Variants in SDK1 observed in about 807,000 individuals in gnomAD.
SDK1 encodes the protein protein sidekick-1.
A neutral mutation model predicts 245.5 loss-of-function variants in SDK1; 157 were observed. The observed-to-expected ratio is 0.64, with a 90% CI of 0.56 to 0.73. SDK1 has a LOEUF of 0.73. Among genes scored for constraint, SDK1 ranks in the 30% least tolerant of loss-of-function variants. SDK1 has a pLI of 0.00. For synonymous variants in SDK1, 1,647 were observed against 1,278.5 expected (o/e 1.29, Z -6.15); for missense variants, 3,583 against 3,002.3 (o/e 1.19, Z -4.52).
rs569896640 is a variant in SDK1, at chr7:4,175,997, T to C, written c.4996+163T>C. Among the ~76,000 whole-genome samples the C allele has an allele frequency of 2.6e-5, 4 of 152,320 alleles. No homozygotes were observed. The South Asian group carries it at 8.3e-4, about 32-fold the overall frequency. On this transcript the variant is annotated intron_variant, in intron 34 of 44. Coordinates refer to ENST00000404826, the MANE Select transcript of SDK1 (RefSeq NM_152744.4). ...TCCACATACCAAACCACCAGGGAGA[T>C]AGGAAAAGAAGCTTCTAGAAACAGA...
intron 4 of SDK1, among the ~76,000 whole-genome samples, chr7:3,657,682 G>C (rs775811398): frequency 4.6e-5 from 7 of 152,196 alleles, no homozygotes; most frequent in Non-Finnish European, 8.8e-5. Context: ...ATCCTCAGGA[G>C]GGGGACATTC....
intron 22 of SDK1, among the ~76,000 whole-genome samples, chr7:4,094,085 CTCAT>C (rs1426395549): frequency 6.6e-6 from 1 of 152,056 alleles, no homozygotes; most frequent in African/African-American, 2.4e-5. Flanking sequence ...GAGACGGACT[CTCAT>C]TCCGTTGCCC....
At chr7:4,200,197 C>A (rs1783809463) in intron 35 of SDK1, among the ~76,000 whole-genome samples, 1 of 152,182 alleles carries the variant, frequency 6.6e-6, no homozygotes, top group Non-Finnish European at 1.5e-5. Context: ...GACATGTGGA[C>A]CCTGACAATG....
At chr7:3,537,622 T>C (rs1001950383) in intron 1 of SDK1, among the ~76,000 whole-genome samples, 5 of 152,228 alleles carry the variant, frequency 3.3e-5, no homozygotes, top group African/African-American at 9.6e-5. Context: ...TCAGTGACTA[T>C]TCATCAGGCA....
At chr7:3,923,943 C>T (rs4723277) in intron 5 of SDK1, among the ~76,000 whole-genome samples, 67,260 of 152,002 alleles carry the variant, frequency 0.44, 19,592 homozygotes, top group African/African-American at 0.84. Context: ...TCATGCTGTC[C>T]TGCAGGAGCT....
chr7:3,882,264 A>C (rs1331517396), intron 5 of SDK1, among the ~76,000 whole-genome samples: 3 of 152,106 alleles, frequency 2.0e-5, no homozygotes, highest in African/African-American at 4.8e-5. Context: ...TTGGGTGGGG[A>C]CACAGCCCAA....
At chr7:3,448,922 AG>A (rs1386799149) in intron 1 of SDK1, among the ~76,000 whole-genome samples, 2 of 152,204 alleles carry the variant, frequency 1.3e-5, no homozygotes, top group Non-Finnish European at 2.9e-5. Flanking sequence ...GAGCACAGGA[AG>A]GATTATTCCT....
chr7:3,630,174 C>T lies in SDK1; in HGVS notation c.459-8830C>T, dbSNP rs1047544551. Among the ~76,000 whole-genome samples, 5 of 152,130 alleles carry T rather than the reference C, an allele frequency of 3.3e-5. No individual in the cohort carries two copies. In the East Asian group the frequency reaches 5.8e-4, roughly 18 times the overall value. ...GGCCTAATAGATGTGTAGTTGGAAT[C>T]CCCCAAGGAGGCAGTCAGAGGAAAA... On this transcript the variant is annotated intron_variant, in intron 2 of 44. Coordinates refer to ENST00000404826, the MANE Select transcript of SDK1 (RefSeq NM_152744.4).
At chr7:4,159,918 G>T (rs760897062) in intron 31 of SDK1, among the ~76,000 whole-genome samples, 2 of 152,158 alleles carry the variant, frequency 1.3e-5, no homozygotes, top group Non-Finnish European at 2.9e-5. Context: ...GTTGTAGGAG[G>T]ACTGATGAGT....
intron 8 of SDK1, among the ~76,000 whole-genome samples, chr7:3,962,112 A>G (rs1402883522): frequency 6.6e-6 from 1 of 152,162 alleles, no homozygotes; most frequent in African/African-American, 2.4e-5. Flanking sequence ...CAGACACACA[A>G]ACACATCCAA....
At chr7:3,460,063 T>C (rs1780787085) in intron 1 of SDK1, among the ~76,000 whole-genome samples, 2 of 152,228 alleles carry the variant, frequency 1.3e-5, no homozygotes, top group Non-Finnish European at 2.9e-5. Context: ...ATTTTATTGT[T>C]TATTAAGATA....
chr7:3,969,194 A>G (rs1251082505), intron 10 of SDK1, 63 bp from the exon 11 acceptor site: 9 of 1,411,476 alleles, frequency 6.4e-6, no homozygotes, highest in African/African-American at 1.4e-5. Flanking sequence ...GGCTCTAACC[A>G]CTATCTTCAT....
chr7:3,634,948 T>C (rs1052068916), intron 2 of SDK1, among the ~76,000 whole-genome samples: 1 of 152,234 alleles, frequency 6.6e-6, no homozygotes, highest in Admixed American at 6.5e-5. Flanking sequence ...GAATGAGCAA[T>C]CATATAAATA....
intron 1 of SDK1, among the ~76,000 whole-genome samples, chr7:3,303,372 G>A (rs2128540646): frequency 6.6e-6 from 1 of 152,202 alleles, no homozygotes; most frequent in South Asian, 2.1e-4. Flanking sequence ...ACTAAGACCT[G>A]TACGTTCATA....
rs1402327269 is a variant in SDK1, at chr7:4,026,495, C to T, written c.2602+9143C>T. 2.0e-5 allele frequency among the ~76,000 whole-genome samples: 3 copies of T among 152,222 alleles called. No homozygotes were observed. Among genetic ancestry groups the T allele is most frequent in the African/African-American group, 7.2e-5 (3 of 41,458 alleles). On this transcript the variant is annotated intron_variant, in intron 17 of 44. Coordinates refer to ENST00000404826, the MANE Select transcript of SDK1 (RefSeq NM_152744.4). The surrounding 1 kb of genome is among the most constrained non-coding windows in gnomAD (Gnocchi z 4.1). ...TGTGCAGACAGCCTGCCAGGGCCTG[C>T]GGGCTCTCCCCACGTGCTGTGCCCC...
chr7:3,676,450 C>A (rs1269690539), intron 4 of SDK1, among the ~76,000 whole-genome samples: 1 of 151,936 alleles, frequency 6.6e-6, no homozygotes, highest in Non-Finnish European at 1.5e-5. Flanking sequence ...CTCAGCTTCC[C>A]AAGTAGCTGG....
At chr7:3,533,852 C>G (rs964989697) in intron 1 of SDK1, among the ~76,000 whole-genome samples, 1 of 150,610 alleles carries the variant, frequency 6.6e-6, no homozygotes, top group Non-Finnish European at 1.5e-5. Flanking sequence ...TTTCCTTTTG[C>G]TTTCTTTGTT....
chr7:3,625,921 T>TTTTC (rs1280952871), intron 2 of SDK1, among the ~76,000 whole-genome samples: 2 of 149,094 alleles, frequency 1.3e-5, no homozygotes, highest in Non-Finnish European at 1.5e-5. Flanking sequence ...CCAGAAGGAT[T>TTTTC]TTTCTTTCTT....
intron 5 of SDK1, among the ~76,000 whole-genome samples, chr7:3,941,056 C>G (rs892351457): frequency 8.6e-5 from 13 of 152,004 alleles, no homozygotes; most frequent in African/African-American, 2.9e-4. Flanking sequence ...ACTGCCACTC[C>G]CAGACCCCCG....
Sources: gnomAD v4.1 joint callset for allele counts (sites outside exome capture counted in the v4.1 genomes callset) on GRCh38, gnomAD v4.1.1 for gene constraint, Gnocchi (gnomAD v3.1) non-coding constraint, MANE v1.5 for transcripts, NCBI Gene and HGNC (gene_info 2026-07-23, HGNC 2026-07-21) for gene names.